EVC: variants seen among roughly 807,000 people sequenced by gnomAD.
EVC encodes the protein EvC ciliary complex subunit 1, also known as evC complex member EVC.
In EVC, 116 loss-of-function variants were observed where a neutral mutation model predicts 118.9. The ratio of observed to expected loss-of-function variants is 0.98; its 90% confidence interval spans 0.84 to 1.14. The LOEUF (loss-of-function observed/expected upper bound fraction) is 1.14. Ranked by LOEUF, EVC falls within the 50% of genes most tolerant of loss-of-function variation. The pLI is 0.00. For missense variants in EVC, 1,401 were observed against 1,246.4 expected, an observed-to-expected ratio of 1.12 and a Z score of -1.87; for synonymous variants, 619 against 534.7, an observed-to-expected ratio of 1.16 and a Z score of -2.18.
Position 5,783,758 on chromosome 4 carries a change from C to T in EVC, c.1770C>T (p.Asp590=), listed in dbSNP as rs141755737. The change falls in exon 12 of 21, where the codon GAC becomes GAT. Residue 590 remains aspartate, a synonymous_variant. Transcript: ENST00000264956. The stretch of plus-strand genomic sequence containing the variant: ...TCTTCCAGGAGCTCCTAGAGCAAGA[C>T]CAGCAGGTGCGGGCATTTGGGAACC... ...WKLFQELLEQ[D]QQVWMEECAL... 1.3e-4 allele frequency: 206 copies of T among 1,609,876 alleles called. 1 individual carries two copies. In the African/African-American group the frequency reaches 2.3e-3, roughly 18 times the overall value.
chr4:5,822,723 A>G, the EVC span, among the ~76,000 whole-genome samples: 1 of 152,212 alleles, frequency 6.6e-6, no homozygotes, highest in Non-Finnish European at 1.5e-5. Context: ...GGCGGAACTG[A>G]GGAAAATCAA....
At chr4:5,761,640 G>A (rs192254363) in intron 11 of EVC, among the ~76,000 whole-genome samples, 23 of 151,952 alleles carry the variant, frequency 1.5e-4, no homozygotes, top group Non-Finnish European at 1.2e-4. Context: ...GGAAGCAGGC[G>A]TCTCATCTTG....
intron 11 of EVC, among the ~76,000 whole-genome samples, chr4:5,767,933 G>A (rs778334518): frequency 3.9e-5 from 6 of 152,280 alleles, no homozygotes; most frequent in South Asian, 2.1e-4. Context: ...TCCCCCCACC[G>A]GCAGCTTAGA....
the EVC span, chr4:5,825,748 G>A: frequency 1.5e-6 from 2 of 1,363,530 alleles, no homozygotes; most frequent in Non-Finnish European, 2.0e-6. This position sits in a 1 kb window ranked among gnomAD's most constrained non-coding sequence, Gnocchi z 4.4. Context: ...GGGCGAGAGA[G>A]AAACCTGAGG....
downstream of EVC, among the ~76,000 whole-genome samples, chr4:5,818,511 G>C (rs1034739142): frequency 2.6e-5 from 4 of 152,222 alleles, no homozygotes; most frequent in Admixed American, 1.3e-4. Flanking sequence ...GGTGGGGCCT[G>C]TTAGAGGTGA....
At position 5,733,429 on chromosome 4, in the gene EVC, G is replaced by C. The variant is rs371664035; in HGVS notation, c.696G>C (p.Lys232Asn). Residue 232 changes from lysine (K) to asparagine (N), a missense_variant, in exon 5 of 21, where the codon AAG (lysine) becomes AAC (asparagine). Transcript: ENST00000264956. ...TGGACACGGCACTGAGGCAGGAAAA[G>C]CATATGGTAGGTGGAGATGTTCGCA... ...LHLDTALRQE[K>N]HMMFIQIFKM... is the part of the protein sequence containing the mutation. 5.6e-6 allele frequency: 9 copies of C among 1,613,824 alleles called. No homozygotes were observed. Among genetic ancestry groups the C allele is most frequent in the African/African-American group, 4.0e-5 (3 of 75,036 alleles).
At chr4:5,726,818 G>A (rs532811159) in intron 2 of EVC, among the ~76,000 whole-genome samples, 125 of 147,044 alleles carry the variant, frequency 8.5e-4, no homozygotes, top group African/African-American at 2.8e-3. Flanking sequence ...GAGAATATGC[G>A]GTGTTTGGTT....
chr4:5,782,894 G>A (rs1232015612), intron 11 of EVC, among the ~76,000 whole-genome samples: 1 of 152,194 alleles, frequency 6.6e-6, no homozygotes, highest in African/African-American at 2.4e-5. Context: ...TCTAGATGGT[G>A]ACCCAGGGGA....
intron 17 of EVC, 61 bp from the exon 18 acceptor site, chr4:5,808,140 T>TCCCCC: frequency 1.6e-4 from 39 of 239,920 alleles, no homozygotes; most frequent in South Asian, 2.2e-4. Context: ...TCTCCCTCCC[T>TCCCCC]CCCTCCCTCC....
In EVC at chr4:5,742,872, C is replaced by T. The variant is rs1728818046; in HGVS notation, c.801+1058C>T. Among the ~76,000 whole-genome samples, 1 of 152,208 alleles carries T rather than the reference C, an allele frequency of 6.6e-6. No individual in the cohort carries two copies. The highest frequency in any genetic ancestry group is 1.5e-5 in the Non-Finnish European group (1 of 68,040). ...TCAAGGGAGAGCCAGTGGTGTTAGA[C>T]AGTAGTGTTTTAGTGAATGGTGCCA... is the stretch of plus-strand genomic sequence containing the variant. On this transcript the variant is annotated intron_variant, in intron 6 of 20. Coordinates refer to ENST00000264956, the MANE Select transcript of EVC (RefSeq NM_153717.3). This position sits in a 1 kb window ranked among gnomAD's most constrained non-coding sequence, Gnocchi z 5.2.
intron 5 of EVC, among the ~76,000 whole-genome samples, chr4:5,734,467 C>G (rs985346356): frequency 4.0e-5 from 6 of 151,836 alleles, no homozygotes; most frequent in Non-Finnish European, 4.4e-5. Context: ...TGGCAAAACC[C>G]TATCTCTACC....
the EVC span, chr4:5,828,686 G>A: frequency 1.9e-6 from 3 of 1,611,144 alleles, no homozygotes; most frequent in Non-Finnish European, 2.5e-6. Flanking sequence ...AACAGCCTCA[G>A]TGTTACTTCC....
chr4:5,769,145 C>T (rs1384492644), intron 11 of EVC, among the ~76,000 whole-genome samples: 2 of 125,608 alleles, frequency 1.6e-5, no homozygotes, highest in South Asian at 2.3e-4. Context: ...AACAGACTCA[C>T]AGTTCCACGT....
intron 3 of EVC, among the ~76,000 whole-genome samples, chr4:5,729,687 C>T (rs557081941): frequency 9.2e-5 from 14 of 152,250 alleles, no homozygotes; most frequent in Admixed American, 2.6e-4. Context: ...CAGTTCTGAG[C>T]GCTAATCCTC....
rs540649805 is a variant in EVC at position 5,784,694 on chromosome 4, G to A, written c.1776+930G>A. Among the ~76,000 whole-genome samples, 51 of 133,996 alleles carry A rather than the reference G, an allele frequency of 3.8e-4. No homozygotes were observed. In the East Asian group the frequency reaches 0.011, roughly 30 times the overall value. The allele number at this position is 133,996 out of a possible 152,430, so 87.9% of individuals were successfully genotyped here. On this transcript the variant is annotated intron_variant, in intron 12 of 20. Transcript: ENST00000264956. ...GCGATCTTGGCTCACTGCAACCTCC[G>A]CCTCCCAGGTTCAAGCGATTCTCCT... is the stretch of plus-strand genomic sequence containing the variant.
At chr4:5,783,873 C>T in intron 12 of EVC, 109 bp downstream of exon 12, 2 of 1,042,358 alleles carry the variant, frequency 1.9e-6, no homozygotes, top group South Asian at 1.4e-5. Context: ...TGTAGGTGCT[C>T]TACGGAGATG....
intron 18 of EVC, 22 bp from the exon 19 acceptor site, chr4:5,809,496 C>T (rs768906203): frequency 6.2e-7 from 1 of 1,608,784 alleles, no homozygotes; most frequent in Admixed American, 1.7e-5. Flanking sequence ...CAGCTGAATG[C>T]TCCTCTCTGC....
intron 13 of EVC, among the ~76,000 whole-genome samples, chr4:5,795,115 C>G (rs1311516605): frequency 1.3e-5 from 2 of 152,164 alleles, no homozygotes. Flanking sequence ...TATACCATTT[C>G]TTTATCCAAT....
At position 5,752,852 on chromosome 4, in the gene EVC, C is replaced by T. The variant is rs28483498; in HGVS notation, c.1115C>T (p.Thr372Met). 0.086 allele frequency: 138,775 copies of T among 1,614,038 alleles called. 6,743 individuals carry two copies. The highest frequency in any genetic ancestry group is 0.099 in the Non-Finnish European group (116,634 of 1,179,870). ...TTTTTGCAGGACGCCCTGGAGAGGA[C>T]GATGGGGCGGGCGCACATGGCAAAA... The part of the protein sequence containing the change: ...ELQALDALER[T>M]MGRAHMAKVI... Residue 372 changes from threonine to methionine, a missense_variant, in exon 9 of 21, where the codon ACG (threonine) becomes ATG (methionine). Thr to Met is a moderately conservative substitution (Grantham distance 81, BLOSUM62 -1). Transcript: ENST00000264956.
Sources: gnomAD v4.1 joint callset for allele counts (sites outside exome capture counted in the v4.1 genomes callset) on GRCh38, gnomAD v4.1.1 for gene constraint, Gnocchi (gnomAD v3.1) non-coding constraint, MANE v1.5 for transcripts, NCBI Gene and HGNC (gene_info 2026-07-23, HGNC 2026-07-21) for gene names.